EYS: variants seen among roughly 807,000 people sequenced by gnomAD.
The protein encoded by EYS is EGF-like photoreceptor maintenance factor, also known as protein eyes shut homolog.
A neutral mutation model predicts 282.1 loss-of-function variants in EYS; 250 were observed. That is an observed-to-expected ratio of 0.89 (90% CI 0.80 to 0.98). The LOEUF (loss-of-function observed/expected upper bound fraction) is 0.98. Ranked by LOEUF, EYS falls within the 50% of genes least tolerant of loss-of-function variation. The probability of loss-of-function intolerance (pLI) is 0.00; values close to 1 mark genes in which losing one functional copy is unlikely to be tolerated. For missense variants in EYS, 4,016 were observed against 3,709.0 expected, an observed-to-expected ratio of 1.08 and a Z score of -2.15; for synonymous variants, 1,355 against 1,282.9, an observed-to-expected ratio of 1.06 and a Z score of -1.20.
At chr6:65,122,339 T>C (rs1046014193) in intron 12 of EYS, among the ~76,000 whole-genome samples, 1 of 152,266 alleles carries the variant, frequency 6.6e-6, no homozygotes, top group African/African-American at 2.4e-5. Flanking sequence ...CACTTGTTTT[T>C]TCCTAATAAT....
At chr6:65,209,868 A>C (rs1562024066) in intron 12 of EYS, among the ~76,000 whole-genome samples, 1 of 151,920 alleles carries the variant, frequency 6.6e-6, no homozygotes, top group African/African-American at 2.4e-5. Flanking sequence ...GACAAAGGGA[A>C]CAACACATAT....
At chr6:64,888,403 A>G (rs920020965) in intron 18 of EYS, among the ~76,000 whole-genome samples, 2 of 152,066 alleles carry the variant, frequency 1.3e-5, no homozygotes, top group African/African-American at 4.8e-5. Flanking sequence ...TAGTATAATG[A>G]TACAATGTAT....
At chr6:63,884,484 T>G (rs1773214779) in intron 35 of EYS, among the ~76,000 whole-genome samples, 1 of 152,034 alleles carries the variant, frequency 6.6e-6, no homozygotes, top group South Asian at 2.1e-4. Flanking sequence ...CTAGCTTGAT[T>G]TGGGTTGTGG....
chr6:65,688,883 G>A (rs1769130470), intron 1 of EYS, among the ~76,000 whole-genome samples: 1 of 151,802 alleles, frequency 6.6e-6, no homozygotes, highest in Non-Finnish European at 1.5e-5. Flanking sequence ...AACAGGTGCT[G>A]GAGAGGATGT....
At chr6:65,407,855 T>C (rs1330211820) in intron 5 of EYS, among the ~76,000 whole-genome samples, 1 of 151,848 alleles carries the variant, frequency 6.6e-6, no homozygotes, top group Admixed American at 6.6e-5. Flanking sequence ...GTAGATATCA[T>C]AGTCTTGTTC....
At chr6:64,016,173 G>A (rs1400340696) in intron 33 of EYS, among the ~76,000 whole-genome samples, 1 of 152,082 alleles carries the variant, frequency 6.6e-6, no homozygotes, top group African/African-American at 2.4e-5. Flanking sequence ...CTTCACAGGG[G>A]TATGTTTTTA....
chr6:64,181,787 C>T (rs1436421189), intron 31 of EYS, among the ~76,000 whole-genome samples: 1 of 152,092 alleles, frequency 6.6e-6, no homozygotes, highest in African/African-American at 2.4e-5. Context: ...ATTCAACTTA[C>T]TTTAAATGGA....
At chr6:65,043,980 T>C (rs1343430365) in intron 13 of EYS, among the ~76,000 whole-genome samples, 3 of 151,884 alleles carry the variant, frequency 2.0e-5, no homozygotes, top group East Asian at 1.9e-4. Context: ...ATGATGGTTT[T>C]ACTAATTTAC....
intron 13 of EYS, among the ~76,000 whole-genome samples, chr6:65,003,589 A>C (rs1374237908): frequency 6.8e-6 from 1 of 146,946 alleles, no homozygotes; most frequent in African/African-American, 2.4e-5. Flanking sequence ...TCCCTAATAA[A>C]AACTTGCTGG....
In EYS at chr6:64,700,901, C is replaced by T. The variant is rs1045942985; in HGVS notation, c.3444-74656G>A. ...ATTCATATGGAACCAAAACAGAGCC[C>T]GAGTAAGCCAATGAAATTCTAAGCA... On this transcript the variant is annotated intron_variant, in intron 22 of 42. Coordinates refer to ENST00000503581, the MANE Select transcript of EYS (RefSeq NM_001142800.2). 2.0e-5 allele frequency among the ~76,000 whole-genome samples: 3 copies of T among 151,826 alleles called. 1 individual carries two copies. Among genetic ancestry groups the T allele is most frequent in the South Asian group, 4.1e-4 (2 of 4,822 alleles).
chr6:64,319,429 C>T (rs192983103), intron 29 of EYS, among the ~76,000 whole-genome samples: 1 of 152,058 alleles, frequency 6.6e-6, no homozygotes, highest in Non-Finnish European at 1.5e-5. Flanking sequence ...GAGGAACCTA[C>T]GTTTTCTGAA....
At chr6:65,082,050 T>C (rs1282803899) in intron 12 of EYS, among the ~76,000 whole-genome samples, 2 of 152,092 alleles carry the variant, frequency 1.3e-5, no homozygotes, top group African/African-American at 4.8e-5. Flanking sequence ...ACAATTACCC[T>C]GAGTTCATTA....
intron 29 of EYS, among the ~76,000 whole-genome samples, chr6:64,349,283 T>A (rs191745974): frequency 2.0e-5 from 3 of 151,226 alleles, no homozygotes; most frequent in Non-Finnish European, 4.4e-5. Flanking sequence ...AATTAATTTA[T>A]ATGTAATACA....
intron 26 of EYS, among the ~76,000 whole-genome samples, chr6:64,588,103 G>C (rs1246931816): frequency 6.6e-6 from 1 of 152,006 alleles, no homozygotes; most frequent in Admixed American, 6.6e-5. Context: ...CAACAAATAA[G>C]ATGGTTATCA....
Position 64,454,202 on chromosome 6 carries a change from C to T in EYS, c.5645-14850G>A, listed in dbSNP as rs560872546. Among the ~76,000 whole-genome samples, 13 of 152,142 alleles carry T rather than the reference C, an allele frequency of 8.5e-5. 1 individual carries two copies. The South Asian group carries it at 2.7e-3, about 32-fold the overall frequency. ...TGTCAGGCAGTGTTCTTCCATGTACCTGAATCTGTTTCTGGGCTCATTATC... is the reference window on the plus strand; with the variant it reads ...TGTCAGGCAGTGTTCTTCCATGTACTTGAATCTGTTTCTGGGCTCATTATC... On this transcript the variant is annotated intron_variant, in intron 26 of 42. Transcript: ENST00000503581.
At chr6:65,419,767 G>T (rs1767383106) in intron 5 of EYS, among the ~76,000 whole-genome samples, 2 of 151,816 alleles carry the variant, frequency 1.3e-5, no homozygotes, top group Admixed American at 1.3e-4. Flanking sequence ...AACCAAAGTG[G>T]TAAAGTGCAT....
At chr6:64,611,305 C>T (rs902071980) in intron 24 of EYS, among the ~76,000 whole-genome samples, 4 of 152,110 alleles carry the variant, frequency 2.6e-5, no homozygotes, top group Non-Finnish European at 5.9e-5. Flanking sequence ...TAAGTTTCAG[C>T]GCTTTTAGAG....
chr6:65,277,477 CT>C (rs1165302546), intron 12 of EYS, among the ~76,000 whole-genome samples: 16 of 149,210 alleles, frequency 1.1e-4, no homozygotes, highest in African/African-American at 2.4e-4. Flanking sequence ...CCCCGGAAAA[CT>C]TTTTTTCCTC....
chr6:64,279,759 T>C (rs1768239262), intron 30 of EYS, among the ~76,000 whole-genome samples: 1 of 152,158 alleles, frequency 6.6e-6, no homozygotes, highest in African/African-American at 2.4e-5. Context: ...TGTTGTTCCT[T>C]TTTCTCTTTT....
Sources: allele counts gnomAD v4.1 joint callset (sites outside exome capture counted in the v4.1 genomes callset), GRCh38; gene constraint gnomAD v4.1.1; transcripts MANE v1.5; gene names NCBI Gene and HGNC (gene_info 2026-07-23, HGNC 2026-07-21).